The following MAEA variants were observed in gnomAD, a reference collection of about 807,000 sequenced individuals.
The protein encoded by MAEA is E3 ubiquitin-protein transferase MAEA.
Under a neutral mutation model 46.2 loss-of-function variants are expected in MAEA, and 22 were observed. That is an observed-to-expected ratio of 0.48 (90% CI 0.34 to 0.68). The LOEUF is 0.68. MAEA is among the 30% of genes least tolerant of loss of function. MAEA has a pLI of 0.01. For synonymous variants in MAEA, 246 were observed against 222.6 expected (o/e 1.11, Z -0.94); for missense variants, 393 against 558.1 (o/e 0.70, Z 2.98).
intron 2 of MAEA, among the ~76,000 whole-genome samples, chr4:1,313,710 C>T (rs924156560): frequency 6.6e-6 from 1 of 150,900 alleles, no homozygotes. Context: ...TGGGCGACAG[C>T]GAGACCCTAT....
intron 4 of MAEA, 100 bp from the exon 5 acceptor site, chr4:1,327,527 T>G: frequency 4.9e-6 from 4 of 815,056 alleles, no homozygotes; most frequent in Non-Finnish European, 4.3e-6. Flanking sequence ...GTTCAGAGCT[T>G]TGGTTGTGGG....
At chr4:1,293,809 A>T (rs60410862) in intron 1 of MAEA, among the ~76,000 whole-genome samples, 9,899 of 151,896 alleles carry the variant, frequency 0.065, 1,035 homozygotes, top group African/African-American at 0.22. Context: ...TGGTTTGATG[A>T]CAGTCTGGTT....
chr4:1,312,083 G>A lies in MAEA; in HGVS notation c.174G>A (p.Leu58=), dbSNP rs1736572704. 6.2e-7 allele frequency: 1 copy of A among 1,613,730 alleles called. No individual in the cohort carries two copies. The highest frequency in any genetic ancestry group is 2.2e-5 in the East Asian group (1 of 44,886). Reference sequence around the variant, plus strand: ...TGGTGGCCGAGCTGGAGAAGACGTTGAGCGGCTGCCCCGCCGTGGACTCCG... The same window carrying A: ...TGGTGGCCGAGCTGGAGAAGACGTTAAGCGGCTGCCCCGCCGTGGACTCCG... ...TMVVAELEKT[L]SGCPAVDSVV... is the part of the protein sequence containing the mutation. Residue 58 remains leucine, a synonymous_variant, in exon 2 of 9, where the codon TTG becomes TTA. Transcript: ENST00000303400.
chr4:1,329,805 A>G, intron 5 of MAEA: 24 of 985,470 alleles, frequency 2.4e-5, no homozygotes, highest in Non-Finnish European at 2.8e-5. Context: ...AGGCTGGACA[A>G]GAGGGAAGGC....
intron 1 of MAEA, among the ~76,000 whole-genome samples, chr4:1,298,618 T>C (rs1735014432): frequency 6.6e-6 from 1 of 152,134 alleles, no homozygotes; most frequent in East Asian, 1.9e-4. Context: ...TCTCGACCTC[T>C]CACAGGGCTG....
chr4:1,335,157 C>G lies in MAEA; in HGVS notation c.766-1704C>G, dbSNP rs939482210. ...AGGTTATTTAGGGACAGACATTCATCAGGTTTAATTTTCTGTTCTGTGATG... is the reference window on the plus strand; with the variant it reads ...AGGTTATTTAGGGACAGACATTCATGAGGTTTAATTTTCTGTTCTGTGATG... On this transcript the variant is annotated intron_variant, in intron 6 of 8. Transcript: ENST00000303400. 9.1e-6 allele frequency: 9 copies of G among 985,340 alleles called. No homozygotes were observed. The African/African-American group carries it at 1.2e-4, about 13-fold the overall frequency. 61.0% of individuals were successfully genotyped at this position (985,340 alleles called of 1,614,324 possible).
In MAEA at chr4:1,315,580, G is replaced by T; in HGVS notation, c.436G>T (p.Ala146Ser). 6.2e-7 allele frequency: 1 copy of T among 1,613,168 alleles called. No individual in the cohort carries two copies. Among genetic ancestry groups the T allele is most frequent in the African/African-American group, 1.3e-5 (1 of 75,044 alleles). The change falls in exon 3 of 9, where the codon GCG (alanine) becomes TCG (serine). Residue 146 changes from alanine to serine, a missense_variant. Physicochemically the swap from Ala to Ser is moderately conservative, Grantham distance 99. Coordinates refer to ENST00000303400, the MANE Select transcript of MAEA (RefSeq NM_001017405.3). The stretch of plus-strand genomic sequence containing the variant: ...CTACTACAACACGGCTGTCAAGCTG[G>T]CGCGCCAGAGCGGCATCGAGGTGGG... ...CGYYNTAVKL[A>S]RQSGIEDLVN...
Position 1,327,626 on chromosome 4 carries a change from G to T in MAEA, c.580-1G>T. 6.2e-7 allele frequency: 1 copy of T among 1,613,482 alleles called. No homozygotes were observed. Among genetic ancestry groups the T allele is most frequent in the Non-Finnish European group, 8.5e-7 (1 of 1,179,608 alleles). ...AGCCCTCGTCTTGTCTTTGCCCTCA[G>T]AGCTGCCTGGAGTTCAGCCTCAGAA... On this transcript the variant is annotated splice_acceptor_variant, in intron 4 of 8. Transcript: ENST00000303400. LOFTEE classifies it high-confidence loss of function.
Position 1,336,867 on chromosome 4 carries a change from C to G in MAEA, c.772C>G (p.Leu258Val). Reference sequence around the variant, plus strand: ...TCTGCTCTCTGTCTTCCAGGACCTTCTGGACCCTGCACGGTGGCGGATGCT... The same window carrying G: ...TCTGCTCTCTGTCTTCCAGGACCTTGTGGACCCTGCACGGTGGCGGATGCT... ...DTHISPYKDLLDPARWRMLIQ... is the reference protein window; with the variant it reads ...DTHISPYKDLVDPARWRMLIQ... The change falls in exon 7 of 9, where the codon CTG becomes GTG. Residue 258 changes from leucine (L) to valine (V), a missense_variant. Leu to Val is a conservative substitution (Grantham distance 32). Transcript: ENST00000303400. 1.2e-6 allele frequency: 2 copies of G among 1,613,762 alleles called. No homozygotes were observed. The highest frequency in any genetic ancestry group is 1.7e-6 in the Non-Finnish European group (2 of 1,179,890).
At chr4:1,338,843 A>T (rs1713160125) in intron 8 of MAEA, 1 of 649,974 alleles carries the variant, frequency 1.5e-6, no homozygotes, top group African/African-American at 1.8e-5. Context: ...CGCCATTGGG[A>T]CAGGGCTGTC....
intron 3 of MAEA, among the ~76,000 whole-genome samples, chr4:1,322,057 G>A (rs563017418): frequency 2.6e-5 from 4 of 152,304 alleles, no homozygotes; most frequent in Admixed American, 1.3e-4. Flanking sequence ...AGACAGGGCC[G>A]CCTGGCATGT....
intron 5 of MAEA, chr4:1,330,649 T>C (rs753868545): frequency 1.3e-5 from 2 of 152,138 alleles, no homozygotes; most frequent in Non-Finnish European, 2.9e-5. Flanking sequence ...AATGGAAGTT[T>C]TTGTGTTTCT....
intron 1 of MAEA, among the ~76,000 whole-genome samples, chr4:1,294,944 C>T (rs991151815): frequency 7.9e-5 from 12 of 152,048 alleles, no homozygotes; most frequent in African/African-American, 2.7e-4. Flanking sequence ...CGGCTCTCAC[C>T]CCAGTAGGCA....
At chr4:1,329,433 C>T (rs1037219386) in intron 5 of MAEA, 25 of 985,348 alleles carry the variant, frequency 2.5e-5, no homozygotes, top group South Asian at 9.4e-5. Context: ...TCTGCGGCCT[C>T]GTCTGTTGCA....
rs1736144960 is a variant in MAEA at position 1,309,345 on chromosome 4, C to T, written c.70-2634C>T. On this transcript the variant is annotated intron_variant, in intron 1 of 8. Coordinates refer to ENST00000303400, the MANE Select transcript of MAEA (RefSeq NM_001017405.3). ...CCTTTAAGGAGCCTGTGAAGGGGCT[C>T]TTGCTAACCAGCCAGCCCAGGCCAG... The T allele has an allele frequency of 3.9e-6, 4 of 1,032,024 alleles. No homozygotes were observed. The East Asian group carries it at 1.1e-4, about 28-fold the overall frequency. 63.9% of individuals were successfully genotyped at this position (1,032,024 alleles called of 1,614,324 possible).
At chr4:1,306,820 G>A (rs1430612982) in intron 1 of MAEA, among the ~76,000 whole-genome samples, 2 of 152,206 alleles carry the variant, frequency 1.3e-5, no homozygotes. Context: ...GAGTTTCACA[G>A]TTTGAGCTTT....
intron 5 of MAEA, chr4:1,329,763 G>A: frequency 1.0e-6 from 1 of 985,598 alleles, no homozygotes; most frequent in Non-Finnish European, 1.2e-6. Context: ...TGTTTGGCTG[G>A]GAGCCCAGAG....
intron 3 of MAEA, among the ~76,000 whole-genome samples, chr4:1,321,632 C>G (rs1419089859): frequency 6.6e-6 from 1 of 152,186 alleles, no homozygotes; most frequent in African/African-American, 2.4e-5. Flanking sequence ...GGGTCCTGGG[C>G]TATGTGCAGG....
At chr4:1,297,378 C>T (rs986290227) in intron 1 of MAEA, among the ~76,000 whole-genome samples, 3 of 151,636 alleles carry the variant, frequency 2.0e-5, no homozygotes, top group African/African-American at 7.3e-5. Context: ...GACATCCTCC[C>T]AAGCGTTTAC....
Sources: gnomAD v4.1 joint callset for allele counts (sites outside exome capture counted in the v4.1 genomes callset) on GRCh38, gnomAD v4.1.1 for gene constraint, MANE v1.5 for transcripts, NCBI Gene and HGNC (gene_info 2026-07-23, HGNC 2026-07-21) for gene names.